NLGN1: variants seen among roughly 807,000 people sequenced by gnomAD.
NLGN1 encodes the protein neuroligin-1.
In NLGN1, 12 loss-of-function variants were observed where a neutral mutation model predicts 65.5. The ratio of observed to expected loss-of-function variants is 0.18; its 90% CI spans 0.12 to 0.30. The LOEUF is 0.30. NLGN1 is among the 10% of genes least tolerant of loss of function. NLGN1 has a pLI of 1.00. For missense variants in NLGN1, 750 were observed against 1,007.1 expected (o/e 0.74, Z 3.46); for synonymous variants, 350 against 359.5 (o/e 0.97, Z 0.30).
At chr3:173,898,914 C>T (rs1220985316) in intron 4 of NLGN1, among the ~76,000 whole-genome samples, 7 of 152,004 alleles carry the variant, frequency 4.6e-5, no homozygotes, top group Admixed American at 4.6e-4. Context: ...CATTCAGATA[C>T]AGCTTTAAGA....
intron 3 of NLGN1, among the ~76,000 whole-genome samples, chr3:173,785,499 G>T (rs1256587113): frequency 1.3e-5 from 2 of 151,908 alleles, no homozygotes; most frequent in Non-Finnish European, 2.9e-5. Context: ...TAGTAGGGTG[G>T]GCATTTTTTG....
chr3:173,631,455 A>G (rs921019880), intron 3 of NLGN1, among the ~76,000 whole-genome samples: 1 of 152,016 alleles, frequency 6.6e-6, no homozygotes, highest in Non-Finnish European at 1.5e-5. Flanking sequence ...TGTGTATGTG[A>G]ATCTGTGTAT....
At position 174,055,436 on chromosome 3, in the gene NLGN1, G is replaced by A. The variant is rs112206101; in HGVS notation, c.647-219879G>A. Among the ~76,000 whole-genome samples, 567 of 152,080 alleles carry A rather than the reference G, an allele frequency of 3.7e-3. 4 individuals are homozygous for A. The highest frequency in any genetic ancestry group is 0.01 in the African/African-American group (421 of 41,530). ...AAGGCAAAGAGGCCAAAAGGGCACC[G>A]AATTGTGATCTGATCAAGCAATGAT... On this transcript the variant is annotated intron_variant, in intron 4 of 6. Coordinates refer to ENST00000457714, the Ensembl canonical transcript of NLGN1.
intron 2 of NLGN1, among the ~76,000 whole-genome samples, chr3:173,440,065 C>T (rs2148791448): frequency 6.6e-6 from 1 of 152,264 alleles, no homozygotes; most frequent in East Asian, 1.9e-4. Context: ...ATGTGATGTA[C>T]TAAATCCTTT....
At chr3:173,800,355 ATT>A in intron 3 of NLGN1, 1 of 1,177,912 alleles carries the variant, frequency 8.5e-7, no homozygotes, top group Non-Finnish European at 1.1e-6. Context: ...AGATGAAGGT[ATT>A]TTTTTTCACC....
intron 2 of NLGN1, among the ~76,000 whole-genome samples, chr3:173,594,684 T>C (rs1749145410): frequency 6.6e-6 from 1 of 152,218 alleles, no homozygotes; most frequent in Non-Finnish European, 1.5e-5. Flanking sequence ...GCTTCCACAC[T>C]GCCTTAGCAG....
chr3:173,546,985 A>G lies in NLGN1; in HGVS notation c.-320-57294A>G, dbSNP rs76819785. Among the ~76,000 whole-genome samples, 412 of 152,306 alleles carry G rather than the reference A, an allele frequency of 2.7e-3. 3 individuals are homozygous for G. The highest frequency in any genetic ancestry group is 8.6e-3 in the African/African-American group (358 of 41,568). ...TAAAATAATAATGTGCCCTCTTATT[A>G]TAAGTCCCTTGCTTACTCCCTGGAG... On this transcript the variant is annotated intron_variant, in intron 2 of 6. Coordinates refer to ENST00000457714, the Ensembl canonical transcript of NLGN1.
chr3:174,021,923 C>G (rs1279766483), intron 4 of NLGN1, among the ~76,000 whole-genome samples: 6 of 152,136 alleles, frequency 3.9e-5, no homozygotes, highest in Non-Finnish European at 5.9e-5. Flanking sequence ...CATTTTCTTT[C>G]AAGAGCAAGG....
At chr3:173,958,469 T>C (rs1712688440) in intron 4 of NLGN1, among the ~76,000 whole-genome samples, 1 of 151,978 alleles carries the variant, frequency 6.6e-6, no homozygotes, top group Non-Finnish European at 1.5e-5. Context: ...ACTCATTTAC[T>C]CAGCTCTCAG....
chr3:174,139,021 C>A (rs1183227641), intron 4 of NLGN1, among the ~76,000 whole-genome samples: 1 of 152,046 alleles, frequency 6.6e-6, no homozygotes, highest in Non-Finnish European at 1.5e-5. Context: ...ACTTTTAATA[C>A]CCAGTTACAA....
chr3:174,195,120 C>T (rs1441044796), intron 4 of NLGN1, among the ~76,000 whole-genome samples: 2 of 152,128 alleles, frequency 1.3e-5, no homozygotes, highest in Non-Finnish European at 2.9e-5. Flanking sequence ...CTCGGCCTCC[C>T]AAAGTGCTGG....
At chr3:173,739,585 A>G (rs1774313411) in intron 3 of NLGN1, among the ~76,000 whole-genome samples, 1 of 152,092 alleles carries the variant, frequency 6.6e-6, no homozygotes, top group Non-Finnish European at 1.5e-5. Flanking sequence ...TGGAAAAGGT[A>G]CTTCTGATGT....
rs186061601 is a variant in NLGN1, at chr3:174,093,574, G to A, written c.647-181741G>A. The stretch of plus-strand genomic sequence containing the variant: ...AACTCATCAATAATGCTAATGCCTA[G>A]CAATAGGTTAATGCTGTACATTAGC... On this transcript the variant is annotated intron_variant, in intron 4 of 6. Coordinates refer to ENST00000457714, the Ensembl canonical transcript of NLGN1. 4.9e-3 allele frequency among the ~76,000 whole-genome samples: 740 copies of A among 152,262 alleles called. 4 individuals carry two copies. Among genetic ancestry groups the A allele is most frequent in the Middle Eastern group, 0.048 (14 of 294 alleles).
At chr3:173,751,490 C>T (rs1776292814) in intron 3 of NLGN1, among the ~76,000 whole-genome samples, 1 of 151,996 alleles carries the variant, frequency 6.6e-6, no homozygotes, top group Admixed American at 6.6e-5. Flanking sequence ...GCTATTATTT[C>T]TCCCTAAATA....
intron 4 of NLGN1, among the ~76,000 whole-genome samples, chr3:174,077,568 T>A (rs1580168680): frequency 6.9e-6 from 1 of 144,492 alleles, no homozygotes; most frequent in South Asian, 2.2e-4. Context: ...TTTATTTATT[T>A]ATTTTTTTTG....
At chr3:173,926,535 C>G (rs1743034244) in intron 4 of NLGN1, among the ~76,000 whole-genome samples, 1 of 152,186 alleles carries the variant, frequency 6.6e-6, no homozygotes, top group African/African-American at 2.4e-5. Context: ...CCGGTGTATA[C>G]ATCCATGTAT....
At chr3:174,243,673 C>T (rs1158925967) in intron 4 of NLGN1, among the ~76,000 whole-genome samples, 2 of 151,992 alleles carry the variant, frequency 1.3e-5, no homozygotes, top group Non-Finnish European at 2.9e-5. Flanking sequence ...TACATAATTC[C>T]TTACTCTTAA....
At chr3:174,154,990 T>TAATATAATATATA (rs1553948759) in intron 4 of NLGN1, among the ~76,000 whole-genome samples, 1 of 99,766 alleles carries the variant, frequency 1.0e-5, no homozygotes, top group East Asian at 4.1e-4. Flanking sequence ...TTATATTATA[T>TAATATAATATATA]ATTATATATA....
Position 173,984,948 on chromosome 3 carries a change from A to G in NLGN1, c.646+177116A>G, listed in dbSNP as rs190224413. Among the ~76,000 whole-genome samples, 17 of 152,314 alleles carry G rather than the reference A, an allele frequency of 1.1e-4. No homozygotes were observed. In the East Asian group the frequency reaches 2.3e-3, roughly 21 times the overall value. On this transcript the variant is annotated intron_variant, in intron 4 of 6. Transcript: ENST00000457714. ...TCCCAGCTACTCAGGAGGCTGAGGC[A>G]GGAGAATTGCTTTAACCCAGGAGGT... is the stretch of plus-strand genomic sequence containing the variant.
Sources: gnomAD v4.1 joint callset for allele counts (sites outside exome capture counted in the v4.1 genomes callset) on GRCh38, gnomAD v4.1.1 for gene constraint, MANE v1.5 for transcripts, NCBI Gene and HGNC (gene_info 2026-07-23, HGNC 2026-07-21) for gene names.